Variants in RAD51C observed in about 807,000 individuals in gnomAD.
RAD51C encodes DNA repair protein RAD51 homolog 3.
Under a neutral mutation model 45.0 loss-of-function variants are expected in RAD51C, and 42 were observed. The ratio of observed to expected loss-of-function variants is 0.93; its 90% CI spans 0.73 to 1.21. RAD51C has a LOEUF of 1.21. RAD51C is among the 50% of genes most tolerant of loss of function. The probability of loss-of-function intolerance (pLI) is 0.00; values close to 1 mark genes in which losing one functional copy is unlikely to be tolerated. For synonymous variants in RAD51C, 172 were observed against 159.8 expected, an observed-to-expected ratio of 1.08 and a Z score of -0.58; for missense variants, 474 against 452.2, an observed-to-expected ratio of 1.05 and a Z score of -0.44.
intron 7 of RAD51C, 135 bp from the exon 8 acceptor site, chr17:58,732,349 T>C (rs1486229847): frequency 9.4e-6 from 7 of 740,754 alleles, no homozygotes; most frequent in African/African-American, 1.8e-5. Flanking sequence ...ATTTCTCTCC[T>C]TTTTGTGTTC....
chr17:58,695,370 G>C (rs546813370), intron 2 of RAD51C, 181 bp downstream of exon 2: 2 of 1,367,452 alleles, frequency 1.5e-6, no homozygotes, highest in Non-Finnish European at 1.9e-6. Context: ...CTTGATAAAT[G>C]TATGCAATTA....
rs1283555116 is a variant in RAD51C at position 58,734,566 on chromosome 17, A to AAACATATCAT, written c.*346_*355dup. 12 of 315,574 alleles carry AAACATATCAT rather than the reference A, an allele frequency of 3.8e-5. No individual in the cohort carries two copies. Among genetic ancestry groups the AAACATATCAT allele is most frequent in the Non-Finnish European group, 6.5e-5 (11 of 169,956 alleles). The allele number at this position is 315,574 out of a possible 1,614,324, so 19.5% of individuals were successfully genotyped here. A position where few individuals can be genotyped will look rare whatever the true frequency, so the allele number is the denominator to read the frequency against. ...CAGTTGCCTATAAAATCTTAGGAAGAAACATATCATATTCTTATTGTGTTT... is the reference window on the plus strand; with the variant it reads ...CAGTTGCCTATAAAATCTTAGGAAGAAACATATCATAACATATCATATTCTTATTGTGTTT... On this transcript the variant is annotated 3_prime_UTR_variant, in exon 9 of 9. Transcript: ENST00000337432.
intron 5 of RAD51C, among the ~76,000 whole-genome samples, chr17:58,712,499 C>T (rs563503697): frequency 6.6e-6 from 1 of 152,184 alleles, no homozygotes; most frequent in East Asian, 1.9e-4. Context: ...TTGCAGACTT[C>T]ATGCATATAC....
At chr17:58,717,127 C>CCAGG (rs1251259624) in intron 5 of RAD51C, among the ~76,000 whole-genome samples, 3 of 151,700 alleles carry the variant, frequency 2.0e-5, no homozygotes, top group Non-Finnish European at 4.4e-5. Context: ...TACACCTGGG[C>CCAGG]CAGGCACAGT....
chr17:58,710,337 A>C (rs983397266), intron 5 of RAD51C, among the ~76,000 whole-genome samples: 2 of 150,524 alleles, frequency 1.3e-5, no homozygotes, highest in African/African-American at 4.9e-5. Flanking sequence ...AAAAAAAAAA[A>C]AAAACCAAAA....
At chr17:58,693,953 A>AGC (rs2047899139) in intron 1 of RAD51C, 1 of 152,240 alleles carries the variant, frequency 6.6e-6, no homozygotes, top group South Asian at 2.1e-4. Context: ...TATCAGATCA[A>AGC]GCACTGATAT....
chr17:58,713,732 C>T (rs752467954), intron 5 of RAD51C, among the ~76,000 whole-genome samples: 1 of 151,920 alleles, frequency 6.6e-6, no homozygotes, highest in Non-Finnish European at 1.5e-5. Flanking sequence ...CACTTGAACT[C>T]GGGAGGTGGA....
chr17:58,733,132 C>A (rs545829202), intron 8 of RAD51C, among the ~76,000 whole-genome samples: 7 of 152,278 alleles, frequency 4.6e-5, no homozygotes, highest in African/African-American at 1.7e-4. Context: ...TCTCCTGCCT[C>A]AGCCTCCCTA....
Position 58,734,296 on chromosome 17 carries a change from T to C in RAD51C, c.*74T>C. ...AATGTGTACAAGTGGACTTGTTACC[T>C]TAAAGTATAAATAAACACACTATGG... On this transcript the variant is annotated 3_prime_UTR_variant, in exon 9 of 9. Transcript: ENST00000337432. 2 of 1,558,358 alleles carry C rather than the reference T, an allele frequency of 1.3e-6. No homozygotes were observed. Among genetic ancestry groups the C allele is most frequent in the East Asian group, 2.4e-5 (1 of 41,848 alleles).
chr17:58,708,645 A>G (rs1181249702), intron 4 of RAD51C, among the ~76,000 whole-genome samples: 2 of 148,836 alleles, frequency 1.3e-5, no homozygotes, highest in African/African-American at 5.0e-5. Context: ...TGATTTGGGG[A>G]TCTTAAGGTT....
chr17:58,714,604 G>A (rs1298294941), intron 5 of RAD51C, among the ~76,000 whole-genome samples: 2 of 152,058 alleles, frequency 1.3e-5, no homozygotes, highest in South Asian at 2.1e-4. Flanking sequence ...AACTACAGGC[G>A]CGTGCCACCA....
intron 4 of RAD51C, among the ~76,000 whole-genome samples, chr17:58,707,128 A>G (rs1017471038): frequency 2.0e-5 from 3 of 152,230 alleles, no homozygotes; most frequent in Admixed American, 2.0e-4. Context: ...TTTACCTTCC[A>G]TAAAATACTA....
At chr17:58,709,570 T>A (rs973334974) in intron 4 of RAD51C, 4 of 257,360 alleles carry the variant, frequency 1.6e-5, no homozygotes, top group Non-Finnish European at 3.0e-5. Flanking sequence ...CAATGCTATG[T>A]TTTTTTCTAT....
intron 7 of RAD51C, among the ~76,000 whole-genome samples, chr17:58,726,242 A>T (rs2049118636): frequency 6.6e-6 from 1 of 151,680 alleles, no homozygotes. Context: ...TATTTGCAGA[A>T]TGTATACCTA....
At chr17:58,723,440 C>T (rs1301834105) in intron 6 of RAD51C, among the ~76,000 whole-genome samples, 2 of 151,738 alleles carry the variant, frequency 1.3e-5, no homozygotes, top group Non-Finnish European at 2.9e-5. Flanking sequence ...TTACTACCCC[C>T]CAGGAGCCTC....
chr17:58,718,287 C>T (rs1427914750), intron 5 of RAD51C, among the ~76,000 whole-genome samples: 5 of 152,030 alleles, frequency 3.3e-5, no homozygotes, highest in East Asian at 1.9e-4. Flanking sequence ...CATGAGCCAC[C>T]GCGCCTGGGC....
At chr17:58,722,883 T>G (rs942304836) in intron 6 of RAD51C, among the ~76,000 whole-genome samples, 2 of 152,192 alleles carry the variant, frequency 1.3e-5, no homozygotes, top group Non-Finnish European at 2.9e-5. Context: ...GTGTCTCAGC[T>G]TTAGATTATA....
chr17:58,732,272 G>A (rs1295525244), intron 7 of RAD51C: 1 of 451,406 alleles, frequency 2.2e-6, no homozygotes, highest in Middle Eastern at 6.4e-4. Flanking sequence ...GGACTTTTAG[G>A]TTGCTTTAAA....
intron 5 of RAD51C, among the ~76,000 whole-genome samples, chr17:58,715,153 AC>A (rs980978148): frequency 8.0e-5 from 12 of 150,542 alleles, no homozygotes; most frequent in South Asian, 2.1e-4. Context: ...ACAAAAAAAA[AC>A]AAAAAACCTC....
Sources: gnomAD v4.1 joint callset for allele counts (sites outside exome capture counted in the v4.1 genomes callset) on GRCh38, gnomAD v4.1.1 for gene constraint, MANE v1.5 for transcripts, NCBI Gene and HGNC (gene_info 2026-07-23, HGNC 2026-07-21) for gene names.